The following RAG1 variants were observed in gnomAD, a reference collection of about 807,000 sequenced individuals.
RAG1 encodes the protein V(D)J recombination-activating protein 1.
Under a neutral mutation model 62.7 loss-of-function variants are expected in RAG1, and 35 were observed. That is an observed-to-expected ratio of 0.56 (90% CI 0.43 to 0.74). The LOEUF is 0.74. Ranked by LOEUF, RAG1 falls within the 30% of genes least tolerant of loss-of-function variation. The pLI is 0.00. For synonymous variants in RAG1, 461 were observed against 470.3 expected (o/e 0.98, Z 0.26); for missense variants, 1,169 against 1,278.6 (o/e 0.91, Z 1.31).
intron 3 of RAG1, among the ~76,000 whole-genome samples, chr11:36,550,465 A>C (rs1363547177): frequency 6.6e-6 from 1 of 152,082 alleles, no homozygotes; most frequent in East Asian, 1.9e-4. Flanking sequence ...GTGACCCCAC[A>C]TTTTTAGAAA....
intron 2 of RAG1, among the ~76,000 whole-genome samples, chr11:36,521,290 A>G (rs1405163647): frequency 6.6e-6 from 1 of 151,906 alleles, no homozygotes; most frequent in Non-Finnish European, 1.5e-5. Flanking sequence ...CACAATTTCC[A>G]TGTGTTGTGG....
intron 3 of RAG1, among the ~76,000 whole-genome samples, chr11:36,544,747 G>C (rs1440101771): frequency 1.3e-5 from 2 of 152,200 alleles, no homozygotes; most frequent in Non-Finnish European, 2.9e-5. Flanking sequence ...TGTGTCGAGG[G>C]AGGGACCCTG....
At chr11:36,550,123 G>T (rs1850461407) in intron 3 of RAG1, among the ~76,000 whole-genome samples, 1 of 152,100 alleles carries the variant, frequency 6.6e-6, no homozygotes, top group African/African-American at 2.4e-5. Flanking sequence ...GGGGACTGGG[G>T]AGCTGGGGAG....
At chr11:36,562,945 C>A in intron 3 of RAG1, among the ~76,000 whole-genome samples, 1 of 152,186 alleles carries the variant, frequency 6.6e-6, no homozygotes, top group South Asian at 2.1e-4. Flanking sequence ...AGGCTTCTGT[C>A]CTTGGCTTCC....
At chr11:36,530,501 T>A (rs561378879) in intron 2 of RAG1, among the ~76,000 whole-genome samples, 1 of 151,976 alleles carries the variant, frequency 6.6e-6, no homozygotes, top group East Asian at 1.9e-4. Context: ...TTTAGTTGTG[T>A]CCTATGAGTT....
At chr11:36,544,528 A>C (rs1445916107) in intron 3 of RAG1, among the ~76,000 whole-genome samples, 1 of 152,194 alleles carries the variant, frequency 6.6e-6, no homozygotes, top group Non-Finnish European at 1.5e-5. Context: ...GAGATATCTG[A>C]TGCATATATA....
In RAG1 at chr11:36,575,842, C is replaced by G. The variant is rs1282180126; in HGVS notation, c.2538C>G (p.Leu846=). 6.2e-7 allele frequency: 1 copy of G among 1,614,104 alleles called. No individual in the cohort carries two copies. Among genetic ancestry groups the G allele is most frequent in the East Asian group, 2.2e-5 (1 of 44,894 alleles). ...AGCATCTCCGGAAGAAGATGAACCT[C>G]AAACCAATCATGAGGATGAATGGCA... ...LDKHLRKKMN[L]KPIMRMNGNF... is the part of the protein sequence containing the mutation. Residue 846 remains leucine (L), a synonymous_variant, in exon 2 of 2, where the codon CTC becomes CTG. Transcript: ENST00000299440. This position sits in a 1 kb window ranked among gnomAD's most constrained non-coding sequence, Gnocchi z 4.1.
chr11:36,525,729 C>T (rs1040526833), intron 2 of RAG1, among the ~76,000 whole-genome samples: 1 of 152,096 alleles, frequency 6.6e-6, no homozygotes, highest in African/African-American at 2.4e-5. Context: ...TATTGAAATA[C>T]AATTTATATT....
chr11:36,573,557 C>A lies in RAG1; in HGVS notation c.253C>A (p.Pro85Thr), dbSNP rs754321019. 6.2e-7 allele frequency: 1 copy of A among 1,613,966 alleles called. No homozygotes were observed. Among genetic ancestry groups the A allele is most frequent in the Non-Finnish European group, 8.5e-7 (1 of 1,180,022 alleles). Residue 85 changes from proline to threonine, a missense_variant, in exon 2 of 2, where the codon CCT becomes ACT. By Grantham distance (38) the Pro-to-Thr change is conservative (BLOSUM62 -1). Coordinates refer to ENST00000299440, the MANE Select transcript of RAG1 (RefSeq NM_000448.3). ...AACTCAGCCATTGTTAAAAGCCCAC[C>A]CTAAGTTTTCAAAGAAATTTCACGA... ...VPTQPLLKAH[P>T]KFSKKFHDNE...
Position 36,579,064 on chromosome 11 carries a change from C to T in RAG1, c.*2628C>T, listed in dbSNP as rs1327720275. 1 of 167,072 alleles carries T rather than the reference C, an allele frequency of 6.0e-6. No individual in the cohort carries two copies. The highest frequency in any genetic ancestry group is 1.5e-5 in the Non-Finnish European group (1 of 68,128). 10.3% of individuals were successfully genotyped at this position (167,072 alleles called of 1,614,324 possible). A position where few individuals can be genotyped will look rare whatever the true frequency, so the allele number is the denominator to read the frequency against. ...GAGCCTTGGGATTAATAAACATGCA[C>T]TGAGAAGCAAGAGGAGGAGAAAAAG... On this transcript the variant is annotated 3_prime_UTR_variant, in exon 2 of 2. Coordinates refer to ENST00000299440, the MANE Select transcript of RAG1 (RefSeq NM_000448.3).
chr11:36,557,538 A>T (rs1850521348), intron 3 of RAG1, among the ~76,000 whole-genome samples: 1 of 151,082 alleles, frequency 6.6e-6, no homozygotes, highest in African/African-American at 2.5e-5. Flanking sequence ...GGAACCCGGT[A>T]CCTCAGATGG....
At chr11:36,532,809 G>C (rs1414006912) in intron 2 of RAG1, among the ~76,000 whole-genome samples, 1 of 152,164 alleles carries the variant, frequency 6.6e-6, no homozygotes. Flanking sequence ...TTGAGAGAGA[G>C]AGAGAGAGAC....
At chr11:36,557,418 C>A (rs1192414370) in intron 3 of RAG1, among the ~76,000 whole-genome samples, 2 of 142,164 alleles carry the variant, frequency 1.4e-5, no homozygotes, top group Non-Finnish European at 3.0e-5. Flanking sequence ...AAAGGGAACT[C>A]CCTGACCCCT....
intron 2 of RAG1, among the ~76,000 whole-genome samples, chr11:36,531,511 A>ATT: frequency 6.6e-6 from 1 of 152,016 alleles, no homozygotes; most frequent in South Asian, 2.1e-4. Flanking sequence ...TAGGCATTAC[A>ATT]TTATATATAT....
intron 3 of RAG1, among the ~76,000 whole-genome samples, chr11:36,547,040 G>A (rs1195766006): frequency 1.3e-5 from 2 of 151,804 alleles, no homozygotes; most frequent in African/African-American, 4.8e-5. Context: ...GTGTCTTGGG[G>A]TCGCTCTTCT....
chr11:36,557,821 G>A (rs1850525717), intron 3 of RAG1, among the ~76,000 whole-genome samples: 1 of 152,078 alleles, frequency 6.6e-6, no homozygotes, highest in South Asian at 2.1e-4. Flanking sequence ...TGTTCAAGTT[G>A]GAAACCACTG....
downstream of RAG1, among the ~76,000 whole-genome samples, chr11:36,539,899 C>G (rs1248136377): frequency 6.6e-6 from 1 of 152,232 alleles, no homozygotes; most frequent in Non-Finnish European, 1.5e-5. Flanking sequence ...TGAATCTCCT[C>G]TGAAACATTT....
intron 2 of RAG1, among the ~76,000 whole-genome samples, chr11:36,529,946 G>A (rs1347621878): frequency 2.0e-5 from 3 of 151,962 alleles, no homozygotes; most frequent in Middle Eastern, 3.4e-3. Context: ...GAAACCATTA[G>A]TTCTGGAGAT....
chr11:36,547,819 C>T (rs575838996), intron 3 of RAG1, among the ~76,000 whole-genome samples: 1 of 151,928 alleles, frequency 6.6e-6, no homozygotes, highest in Non-Finnish European at 1.5e-5. Flanking sequence ...AGAGACTCAA[C>T]AAAAAAAGAA....
Sources: gnomAD v4.1 joint callset for allele counts (sites outside exome capture counted in the v4.1 genomes callset) on GRCh38, gnomAD v4.1.1 for gene constraint, Gnocchi (gnomAD v3.1) non-coding constraint, MANE v1.5 for transcripts, NCBI Gene and HGNC (gene_info 2026-07-23, HGNC 2026-07-21) for gene names.